The following ZFHX3 variants were observed in gnomAD, a reference collection of about 807,000 sequenced individuals.
ZFHX3 encodes zinc finger homeobox protein 3.
In ZFHX3, 42 loss-of-function variants were observed where a neutral mutation model predicts 279.1. The observed-to-expected ratio is 0.15, with a 90% CI of 0.12 to 0.19. The LOEUF (loss-of-function observed/expected upper bound fraction) is 0.19, where lower values mean the gene tolerates loss of function less well. Ranked by LOEUF, ZFHX3 falls within the 10% of genes least tolerant of loss-of-function variation. The probability of loss-of-function intolerance (pLI) is 1.00; values close to 1 mark genes in which losing one functional copy is unlikely to be tolerated. For missense variants in ZFHX3, 4,981 were observed against 4,754.0 expected (o/e 1.05, Z -1.40); for synonymous variants, 2,293 against 1,957.8 (o/e 1.17, Z -4.52).
At chr16:73,671,689 C>A (rs187334737) in intron 2 of ZFHX3, among the ~76,000 whole-genome samples, 14 of 152,296 alleles carry the variant, frequency 9.2e-5, no homozygotes, top group Admixed American at 8.5e-4. Context: ...AAAGCAATTG[C>A]ATGAAACACA....
At position 73,397,556 on chromosome 16, in the gene ZFHX3, G is replaced by C. The variant is rs543904366; in HGVS notation, c.-1291+58447C>G. ...ACCTTTGGCGATGGCATAGAAAACA[G>C]ACTGCAAGGATCAAGAATAGAAATG... On this transcript the variant is annotated intron_variant, in intron 3 of 17. Transcript: ENST00000641206. 2.6e-5 allele frequency among the ~76,000 whole-genome samples: 4 copies of C among 152,298 alleles called. No homozygotes were observed. The East Asian group carries it at 7.7e-4, about 29-fold the overall frequency.
At chr16:73,215,477 A>G (rs1438011768) in intron 5 of ZFHX3, among the ~76,000 whole-genome samples, 6 of 152,302 alleles carry the variant, frequency 3.9e-5, no homozygotes, top group African/African-American at 1.2e-4. Flanking sequence ...GAGTTCCTAA[A>G]TGTTTCAACC....
In ZFHX3 at chr16:73,603,492, T is replaced by C. The variant is rs946915566; in HGVS notation, c.-1547+76688A>G. Among the ~76,000 whole-genome samples the C allele has an allele frequency of 1.1e-4, 17 of 152,096 alleles. 1 individual carries two copies. The highest frequency in any genetic ancestry group is 2.5e-4 in the Non-Finnish European group (17 of 68,016). On this transcript the variant is annotated intron_variant, in intron 2 of 17. Coordinates refer to the ZFHX3 transcript ENST00000641206. ...TTAAAAATACGAGAATACTGAAAGT[T>C]GGTGAGACGTGCTCCCATAGACAGT...
intron 5 of ZFHX3, among the ~76,000 whole-genome samples, chr16:73,219,840 C>A (rs777009983): frequency 3.3e-5 from 5 of 152,188 alleles, no homozygotes; most frequent in Non-Finnish European, 7.3e-5. Context: ...AATCCCAGAA[C>A]TTTGGGAAGC....
At chr16:73,585,955 G>T (rs1301444716) in intron 2 of ZFHX3, among the ~76,000 whole-genome samples, 2 of 151,972 alleles carry the variant, frequency 1.3e-5, no homozygotes, top group African/African-American at 4.8e-5. Context: ...TAATCCAAAA[G>T]AAGGTAAGGA....
chr16:73,185,160 A>G (rs1003635019), intron 5 of ZFHX3, among the ~76,000 whole-genome samples: 5 of 152,132 alleles, frequency 3.3e-5, no homozygotes, highest in African/African-American at 1.2e-4. Context: ...TAAAGAAGGG[A>G]CGACCTGAGC....
At chr16:72,968,268 T>C (rs1961941824) in intron 1 of ZFHX3, among the ~76,000 whole-genome samples, 2 of 152,026 alleles carry the variant, frequency 1.3e-5, no homozygotes, top group African/African-American at 2.4e-5. Flanking sequence ...TTTTTAGAAA[T>C]GTCAGGGCCA....
chr16:73,410,260 A>C (rs1288638979), intron 3 of ZFHX3, among the ~76,000 whole-genome samples: 2 of 152,148 alleles, frequency 1.3e-5, no homozygotes, highest in Admixed American at 1.3e-4. Context: ...TACTAAAAAT[A>C]CAAAAATTAG....
chr16:73,578,435 C>A (rs952322780), intron 2 of ZFHX3, among the ~76,000 whole-genome samples: 1 of 150,244 alleles, frequency 6.7e-6, no homozygotes, highest in African/African-American at 2.4e-5. Flanking sequence ...GTTTGGGAAA[C>A]TTTGAGCAAA....
In ZFHX3 at chr16:72,793,200, A is replaced by C; in HGVS notation, c.9427+55T>G. The C allele has an allele frequency of 6.5e-7, 1 of 1,544,778 alleles. No individual in the cohort carries two copies. Among genetic ancestry groups the C allele is most frequent in the Non-Finnish European group, 8.7e-7 (1 of 1,147,744 alleles). On this transcript the variant is annotated intron_variant, in intron 9 of 9. Transcript: ENST00000268489. The surrounding 1 kb of genome is among the most constrained non-coding windows in gnomAD (Gnocchi z 4.3). ...GGTTTGGGTGGTATCCACATAACAG[A>C]ATGCTGACTGGGCAGCTATTTAGCC...
intron 2 of ZFHX3, among the ~76,000 whole-genome samples, chr16:73,542,718 A>C (rs1176701539): frequency 6.6e-6 from 1 of 152,208 alleles, no homozygotes; most frequent in African/African-American, 2.4e-5. Context: ...TAGATAAACA[A>C]TGCACAATTT....
intron 1 of ZFHX3, among the ~76,000 whole-genome samples, chr16:73,873,496 T>C (rs2029875563): frequency 6.6e-6 from 1 of 152,072 alleles, no homozygotes; most frequent in African/African-American, 2.4e-5. Context: ...AAACGAAGTA[T>C]AGTGAGCTCA....
chr16:73,588,902 A>G (rs2051957925), intron 2 of ZFHX3, among the ~76,000 whole-genome samples: 1 of 152,058 alleles, frequency 6.6e-6, no homozygotes, highest in Non-Finnish European at 1.5e-5. Context: ...AGAGAGACAG[A>G]GACAGAGGAG....
intron 1 of ZFHX3, among the ~76,000 whole-genome samples, chr16:73,699,493 G>A (rs562223382): frequency 4.6e-5 from 7 of 152,064 alleles, no homozygotes; most frequent in Non-Finnish European, 7.4e-5. Context: ...AATTTAGATC[G>A]CCAAGTTTTT....
intron 1 of ZFHX3, among the ~76,000 whole-genome samples, chr16:72,971,356 G>T (rs1962096976): frequency 6.6e-6 from 1 of 152,076 alleles, no homozygotes; most frequent in South Asian, 2.1e-4. Flanking sequence ...CTCCATTACT[G>T]TCCACCTGGT....
At chr16:73,458,690 C>G (rs776569307) in intron 2 of ZFHX3, among the ~76,000 whole-genome samples, 1 of 152,142 alleles carries the variant, frequency 6.6e-6, no homozygotes, top group African/African-American at 2.4e-5. Flanking sequence ...GTCACCTCTC[C>G]CTACCCCAGG....
intron 1 of ZFHX3, among the ~76,000 whole-genome samples, chr16:73,874,368 A>C (rs1352005788): frequency 3.9e-5 from 6 of 152,308 alleles, no homozygotes; most frequent in Middle Eastern, 3.4e-3. Flanking sequence ...ATTCCAATTT[A>C]ACCCCCGACT....
intron 3 of ZFHX3, among the ~76,000 whole-genome samples, chr16:73,440,141 C>A (rs2018064866): frequency 1.3e-5 from 2 of 152,262 alleles, no homozygotes; most frequent in East Asian, 3.9e-4. Flanking sequence ...AACTGCCTGG[C>A]AGCACCCCAT....
At chr16:73,774,130 T>TA (rs35937157) in intron 1 of ZFHX3, among the ~76,000 whole-genome samples, 6,879 of 146,282 alleles carry the variant, frequency 0.047, 407 homozygotes, top group African/African-American at 0.14. Flanking sequence ...ATACTGTCTC[T>TA]AAAAAAAAAA....
Sources: allele counts gnomAD v4.1 joint callset (sites outside exome capture counted in the v4.1 genomes callset), GRCh38; gene constraint gnomAD v4.1.1; non-coding constraint Gnocchi (gnomAD v3.1); transcripts MANE v1.5; gene names NCBI Gene and HGNC (gene_info 2026-07-23, HGNC 2026-07-21).